The following ZNF420 variants were observed in gnomAD, a reference collection of about 807,000 sequenced individuals.
The protein encoded by ZNF420 is zinc finger protein 420.
Under a neutral mutation model 44.7 loss-of-function variants are expected in ZNF420, and 31 were observed. The observed-to-expected ratio is 0.69, with a 90% CI of 0.52 to 0.94. ZNF420 has a LOEUF of 0.94. Ranked by LOEUF, ZNF420 falls within the 40% of genes least tolerant of loss-of-function variation. The pLI is 0.00. For synonymous variants in ZNF420, 245 were observed against 267.4 expected, an observed-to-expected ratio of 0.92 and a Z score of 0.82; for missense variants, 681 against 827.9, an observed-to-expected ratio of 0.82 and a Z score of 2.18.
chr19:37,112,243 C>T (rs1395629966), intron 4 of ZNF420, among the ~76,000 whole-genome samples: 2 of 152,012 alleles, frequency 1.3e-5, no homozygotes, highest in Non-Finnish European at 2.9e-5. Flanking sequence ...TTCCTAGTCC[C>T]TTTCCTGGTA....
chr19:37,109,125 TTGTAGGCATTAAACATCCTGG>T lies in ZNF420; in HGVS notation c.137-17999_137-17979del, dbSNP rs543471044. Among the ~76,000 whole-genome samples the T allele has an allele frequency of 6.7e-3, 1,020 of 152,326 alleles. 3 individuals are homozygous for T. The highest frequency in any genetic ancestry group is 0.01 in the Non-Finnish European group (708 of 68,026). On this transcript the variant is annotated intron_variant, in intron 4 of 4. Transcript: ENST00000337995. ...AGTACTTCTACCAACCAATTTTGGA[TTGTAGGCATTAAACATCCTGG>T]TGTTCTCCCTAGACAAATAGGAGGA...
intron 1 of ZNF420, among the ~76,000 whole-genome samples, chr19:37,057,602 G>A (rs1467395255): frequency 6.6e-6 from 1 of 152,102 alleles, no homozygotes; most frequent in Non-Finnish European, 1.5e-5. Flanking sequence ...TGTTTTTGGT[G>A]AGCCTTTTTT....
At position 37,054,523 on chromosome 19, in the gene ZNF420, C is replaced by A. The variant is rs147381390; in HGVS notation, c.-124-25822C>A. ...TCCACCGAACAAATTTTTATTGTAT[C>A]TTTTAGTCTATGAAGACAAAACCAC... On this transcript the variant is annotated intron_variant, in intron 1 of 4. Coordinates refer to the ZNF420 transcript ENST00000587029. Among the ~76,000 whole-genome samples the A allele has an allele frequency of 2.0e-3, 312 of 152,304 alleles. 3 individuals carry two copies. Among genetic ancestry groups the A allele is most frequent in the African/African-American group, 7.3e-3 (304 of 41,566 alleles).
upstream of ZNF420, among the ~76,000 whole-genome samples, chr19:37,074,676 C>T (rs116968132): frequency 0.015 from 2,272 of 152,178 alleles, 34 homozygotes; most frequent in Middle Eastern, 0.054. Context: ...TTCATGATAT[C>T]GAGGTTATGC....
Position 37,044,007 on chromosome 19 carries a change from C to T in ZNF420, c.-125+35925C>T, listed in dbSNP as rs530544003. Among the ~76,000 whole-genome samples, 8 of 152,322 alleles carry T rather than the reference C, an allele frequency of 5.3e-5. No homozygotes were observed. The East Asian group carries it at 1.5e-3, about 29-fold the overall frequency. On this transcript the variant is annotated intron_variant, in intron 1 of 4. Transcript: ENST00000587029. ...ATTGGACTGCGGACTGCACATGCAGCTACCAGGTTCTTCTGGATAGTCCCA... is the reference window on the plus strand; with the variant it reads ...ATTGGACTGCGGACTGCACATGCAGTTACCAGGTTCTTCTGGATAGTCCCA...
At chr19:37,082,076 G>C (rs1421588039) in intron 2 of ZNF420, among the ~76,000 whole-genome samples, 2 of 151,998 alleles carry the variant, frequency 1.3e-5, no homozygotes, top group African/African-American at 2.4e-5. Flanking sequence ...TAACCTGTTT[G>C]TGTTTGGTAT....
chr19:37,029,589 C>T (rs1485194775), intron 1 of ZNF420, among the ~76,000 whole-genome samples: 2 of 150,870 alleles, frequency 1.3e-5, no homozygotes, highest in Non-Finnish European at 2.9e-5. Context: ...GGCCTGTCAC[C>T]CAGGCTGGAG....
At chr19:37,061,788 T>C (rs1201523554) in intron 1 of ZNF420, among the ~76,000 whole-genome samples, 1 of 152,190 alleles carries the variant, frequency 6.6e-6, no homozygotes, top group Non-Finnish European at 1.5e-5. Context: ...GGCATCCACA[T>C]ATCCCATATT....
chr19:37,070,386 G>A (rs1460831041), intron 1 of ZNF420, among the ~76,000 whole-genome samples: 2 of 152,022 alleles, frequency 1.3e-5, no homozygotes, highest in Admixed American at 6.5e-5. Context: ...TTCTTAAAAT[G>A]CAAGAAAGTA....
intron 1 of ZNF420, among the ~76,000 whole-genome samples, chr19:37,061,827 C>T (rs914378701): frequency 6.6e-6 from 1 of 152,144 alleles, no homozygotes; most frequent in Non-Finnish European, 1.5e-5. Context: ...AAACAATACA[C>T]GTAAGATGAG....
chr19:37,090,955 T>C (rs1969104293), intron 3 of ZNF420, 40 bp from the exon 4 acceptor site: 4 of 1,593,504 alleles, frequency 2.5e-6, no homozygotes, highest in Admixed American at 1.8e-5. Context: ...GAAAAGCATT[T>C]TTTAAATTTC....
At position 37,090,820 on chromosome 19, in the gene ZNF420, T is replaced by C. The variant is rs527513909; in HGVS notation, c.10-175T>C. ...CTGTAATCCCAGCTACTCAGGAGGC[T>C]GAGGCAGGAGAATTGCTTGAACCTA... is the stretch of plus-strand genomic sequence containing the variant. On this transcript the variant is annotated intron_variant, in intron 3 of 4. Transcript: ENST00000337995. 3.3e-5 allele frequency among the ~76,000 whole-genome samples: 5 copies of C among 150,004 alleles called. No individual in the cohort carries two copies. In the East Asian group the frequency reaches 8.1e-4, roughly 24 times the overall value.
At chr19:37,057,755 C>T (rs940301719) in intron 1 of ZNF420, among the ~76,000 whole-genome samples, 2 of 152,084 alleles carry the variant, frequency 1.3e-5, no homozygotes, top group Non-Finnish European at 2.9e-5. Flanking sequence ...AGCGGCTTTT[C>T]TAGAATCAAG....
rs1967729118 is a variant in ZNF420 at position 37,055,574 on chromosome 19, C to G, written c.-124-24771C>G. On this transcript the variant is annotated intron_variant, in intron 1 of 4. Coordinates refer to the ZNF420 transcript ENST00000587029. ...CGAAACCGTTTAAAGGGGCTACAGC[C>G]TGACTTCCAAGGGCAAAGCACGAGT... 5.3e-5 allele frequency among the ~76,000 whole-genome samples: 8 copies of G among 152,348 alleles called. No homozygotes were observed. In the South Asian group the frequency reaches 1.7e-3, roughly 32 times the overall value.
intron 1 of ZNF420, among the ~76,000 whole-genome samples, chr19:37,063,564 C>T (rs1967916011): frequency 1.3e-5 from 2 of 151,630 alleles, no homozygotes; most frequent in South Asian, 2.1e-4. Context: ...CCGCCTACCC[C>T]CACCCGACGA....
intron 1 of ZNF420, among the ~76,000 whole-genome samples, chr19:37,042,834 C>T (rs1485169252): frequency 6.6e-6 from 1 of 152,122 alleles, no homozygotes; most frequent in Non-Finnish European, 1.5e-5. Flanking sequence ...TAAGCCTAAT[C>T]GTTTCTTGGT....
At chr19:37,085,178 G>A (rs1968684414) in intron 2 of ZNF420, among the ~76,000 whole-genome samples, 1 of 152,016 alleles carries the variant, frequency 6.6e-6, no homozygotes, top group Non-Finnish European at 1.5e-5. Flanking sequence ...ACTCAGTTCG[G>A]CATATTTTTC....
intron 1 of ZNF420, among the ~76,000 whole-genome samples, chr19:37,029,031 C>T (rs1182443104): frequency 6.6e-6 from 1 of 152,138 alleles, no homozygotes; most frequent in East Asian, 1.9e-4. Context: ...TTATTGCTCA[C>T]CAGAAATTGA....
chr19:37,068,977 G>A (rs1336073613), intron 1 of ZNF420, among the ~76,000 whole-genome samples: 4 of 149,964 alleles, frequency 2.7e-5, no homozygotes, highest in Non-Finnish European at 4.4e-5. Context: ...AAACTACAAG[G>A]AAAAATAACC....
Sources: allele counts gnomAD v4.1 joint callset (sites outside exome capture counted in the v4.1 genomes callset), GRCh38; gene constraint gnomAD v4.1.1; transcripts MANE v1.5; gene names NCBI Gene and HGNC (gene_info 2026-07-23, HGNC 2026-07-21).